NTM: variants seen among roughly 807,000 people sequenced by gnomAD.
The protein encoded by NTM is IgLON family member 2.
Under a neutral mutation model 42.1 loss-of-function variants are expected in NTM, and 13 were observed. That is an observed-to-expected ratio of 0.31 (90% CI 0.20 to 0.49). The LOEUF is 0.49. NTM is among the 20% of genes least tolerant of loss of function. NTM has a pLI of 0.99. For synonymous variants in NTM, 187 were observed against 179.2 expected, an observed-to-expected ratio of 1.04 and a Z score of -0.35; for missense variants, 373 against 452.8, an observed-to-expected ratio of 0.82 and a Z score of 1.60.
chr11:131,824,969 A>G (rs749521705), intron 1 of NTM, among the ~76,000 whole-genome samples: 13 of 152,182 alleles, frequency 8.5e-5, no homozygotes, highest in Admixed American at 2.0e-4. Flanking sequence ...CTGCTGTAGT[A>G]AAGTATTGCG....
intron 2 of NTM, among the ~76,000 whole-genome samples, chr11:132,117,216 C>T (rs7937280): frequency 0.14 from 20,989 of 152,230 alleles, 1,526 homozygotes; most frequent in Middle Eastern, 0.18. Context: ...AAATGTTGTT[C>T]ATTCTTGCTA....
chr11:132,037,178 G>C (rs140200888), intron 2 of NTM, among the ~76,000 whole-genome samples: 1 of 152,054 alleles, frequency 6.6e-6, no homozygotes, highest in Non-Finnish European at 1.5e-5. Context: ...TTCCTCTTGG[G>C]GGGTGAGTGA....
At chr11:131,873,684 T>C (rs1283239666) in intron 1 of NTM, among the ~76,000 whole-genome samples, 2 of 129,630 alleles carry the variant, frequency 1.5e-5, no homozygotes, top group Admixed American at 7.8e-5. Context: ...TATACACACA[T>C]ATATATACAC....
At chr11:131,629,756 T>G (rs2063476564) in intron 1 of NTM, among the ~76,000 whole-genome samples, 1 of 152,152 alleles carries the variant, frequency 6.6e-6, no homozygotes, top group Non-Finnish European at 1.5e-5. Context: ...ACACTTGGTG[T>G]GTAAGGGTAA....
At chr11:131,404,153 T>C (rs537225353) in intron 1 of NTM, among the ~76,000 whole-genome samples, 6 of 152,258 alleles carry the variant, frequency 3.9e-5, no homozygotes, top group Non-Finnish European at 7.4e-5. Context: ...ACAATAAAGA[T>C]CTTCATGTAC....
chr11:131,566,329 A>C (rs576887387), intron 1 of NTM, among the ~76,000 whole-genome samples: 2 of 152,246 alleles, frequency 1.3e-5, no homozygotes, highest in East Asian at 3.9e-4. Context: ...ATTCCTTTAC[A>C]AGGATGTAAA....
chr11:131,437,881 T>A (rs113897645), intron 1 of NTM, among the ~76,000 whole-genome samples: 3 of 152,244 alleles, frequency 2.0e-5, no homozygotes, highest in African/African-American at 4.8e-5. Context: ...CTAGCATTGA[T>A]GGTCTTTACA....
chr11:132,312,453 A>G (rs866305913), intron 6 of NTM: 5 of 152,566 alleles, frequency 3.3e-5, no homozygotes, highest in African/African-American at 4.8e-5. Context: ...GCATTGACCA[A>G]TGAAAAGTCC....
Position 131,866,002 on chromosome 11 carries a change from TACAC to T in NTM, c.83-45558_83-45555del, listed in dbSNP as rs1445013492. On this transcript the variant is annotated intron_variant, in intron 1 of 8. Coordinates refer to ENST00000683400, the MANE Select transcript of NTM (RefSeq NM_001352005.2). ...CCCACACACTCTCACACATGCTACA[TACAC>T]ACATGCCACACTCTCACACATGCTA... Among the ~76,000 whole-genome samples the T allele has an allele frequency of 2.7e-4, 19 of 70,242 alleles. 3 individuals are homozygous for T. Among genetic ancestry groups the T allele is most frequent in the Admixed American group, 1.3e-3 (9 of 7,086 alleles). The allele number at this position is 70,242 out of a possible 152,430, so 46.1% of individuals were successfully genotyped here. A position where few individuals can be genotyped will look rare whatever the true frequency, so the allele number is the denominator to read the frequency against.
At chr11:132,156,524 G>A (rs1591877757) in intron 3 of NTM, among the ~76,000 whole-genome samples, 1 of 152,312 alleles carries the variant, frequency 6.6e-6, no homozygotes, top group Admixed American at 6.5e-5. Context: ...ATTTGTCTGT[G>A]TGATTGGTTG....
chr11:132,266,331 C>T (rs534062220), intron 4 of NTM, among the ~76,000 whole-genome samples: 3 of 152,306 alleles, frequency 2.0e-5, no homozygotes, highest in Admixed American at 6.5e-5. Context: ...GCATAGCCAT[C>T]TCTCTTGTTG....
At chr11:131,844,371 A>C (rs2044661375) in intron 1 of NTM, among the ~76,000 whole-genome samples, 1 of 151,964 alleles carries the variant, frequency 6.6e-6, no homozygotes, top group South Asian at 2.1e-4. Flanking sequence ...CACTACCTTA[A>C]TTCCTGTAGC....
In NTM at chr11:132,003,537, C is replaced by T. The variant is rs1170603261; in HGVS notation, c.167+91889C>T. ...CTGGGATTATAAGCATTAGCCACTGCGCCTGGCCCATGATTTGCATTTTTA... is the reference window on the plus strand; with the variant it reads ...CTGGGATTATAAGCATTAGCCACTGTGCCTGGCCCATGATTTGCATTTTTA... On this transcript the variant is annotated intron_variant, in intron 2 of 8. Coordinates refer to ENST00000683400, the MANE Select transcript of NTM (RefSeq NM_001352005.2). This position sits in a 1 kb window ranked among gnomAD's most constrained non-coding sequence, Gnocchi z 6.0. Among the ~76,000 whole-genome samples, 3 of 152,140 alleles carry T rather than the reference C, an allele frequency of 2.0e-5. No homozygotes were observed. The highest frequency in any genetic ancestry group is 6.6e-5 in the Admixed American group (1 of 15,260).
chr11:131,940,486 G>A (rs2059679904), intron 2 of NTM, among the ~76,000 whole-genome samples: 1 of 152,182 alleles, frequency 6.6e-6, no homozygotes, highest in African/African-American at 2.4e-5. Context: ...TACAGATGGT[G>A]CAAAGTATAC....
At chr11:131,487,500 T>C (rs1954305319) in intron 1 of NTM, among the ~76,000 whole-genome samples, 1 of 152,264 alleles carries the variant, frequency 6.6e-6, no homozygotes, top group East Asian at 1.9e-4. Context: ...CATGACTTCC[T>C]GTTCTGTTAT....
chr11:132,271,072 A>T (rs1591650820), intron 4 of NTM, among the ~76,000 whole-genome samples: 2 of 151,780 alleles, frequency 1.3e-5, no homozygotes, highest in East Asian at 3.9e-4. Flanking sequence ...CCTTCATCTC[A>T]CCCCCCAGCA....
At chr11:131,489,110 C>G (rs1007842684) in intron 1 of NTM, among the ~76,000 whole-genome samples, 1 of 152,198 alleles carries the variant, frequency 6.6e-6, no homozygotes, top group Non-Finnish European at 1.5e-5. Context: ...GTGGCTCCAG[C>G]TCTCCCCTTG....
intron 1 of NTM, among the ~76,000 whole-genome samples, chr11:131,403,631 T>C (rs1270345172): frequency 6.6e-6 from 1 of 152,210 alleles, no homozygotes; most frequent in Admixed American, 6.5e-5. Flanking sequence ...AATCCCACTA[T>C]GCACTCTTAG....
At chr11:132,175,830 AC>A (rs1398327834) in intron 3 of NTM, among the ~76,000 whole-genome samples, 2 of 151,712 alleles carry the variant, frequency 1.3e-5, no homozygotes, top group Non-Finnish European at 2.9e-5. Context: ...CCCTACCCCC[AC>A]CTCATTCTAT....
Sources: gnomAD v4.1 joint callset for allele counts (sites outside exome capture counted in the v4.1 genomes callset) on GRCh38, gnomAD v4.1.1 for gene constraint, Gnocchi (gnomAD v3.1) non-coding constraint, MANE v1.5 for transcripts, NCBI Gene and HGNC (gene_info 2026-07-23, HGNC 2026-07-21) for gene names.